The following ARRB1 variants were observed in gnomAD, a reference collection of about 807,000 sequenced individuals.
ARRB1 encodes arrestin beta 1, also known as beta-arrestin-1.
Under a neutral mutation model 56.8 loss-of-function variants are expected in ARRB1, and 21 were observed. That is an observed-to-expected ratio of 0.37 (90% CI 0.26 to 0.53). The LOEUF (loss-of-function observed/expected upper bound fraction) is 0.53, where lower values mean the gene tolerates loss of function less well. Among genes scored for constraint, ARRB1 ranks in the 20% least tolerant of loss-of-function variants. The probability of loss-of-function intolerance (pLI) is 0.88; values close to 1 mark genes in which losing one functional copy is unlikely to be tolerated. For missense variants in ARRB1, 424 were observed against 553.7 expected (o/e 0.77, Z 2.35); for synonymous variants, 210 against 218.6 (o/e 0.96, Z 0.35).
At chr11:75,285,229 T>C (rs1190051635) in intron 3 of ARRB1, among the ~76,000 whole-genome samples, 1 of 152,224 alleles carries the variant, frequency 6.6e-6, no homozygotes, top group Non-Finnish European at 1.5e-5. Flanking sequence ...TGTGTGAATG[T>C]GCATATGTGT....
In ARRB1 at chr11:75,290,171, C is replaced by T. The variant is rs369560607; in HGVS notation, c.21-132G>A. ...ACAGGCACCATGCAGGCTTGAGATC[C>T]GAACAGTGCCCATGTAATCCGCTCT... On this transcript the variant is annotated intron_variant, in intron 1 of 15. Transcript: ENST00000420843. 215 of 1,026,154 alleles carry T rather than the reference C, an allele frequency of 2.1e-4. 1 individual carries two copies. The South Asian group carries it at 2.4e-3, about 11-fold the overall frequency. 63.6% of individuals were successfully genotyped at this position (1,026,154 alleles called of 1,614,324 possible).
At chr11:75,279,700 C>T (rs1232214264) in intron 7 of ARRB1, among the ~76,000 whole-genome samples, 3 of 152,182 alleles carry the variant, frequency 2.0e-5, no homozygotes, top group Admixed American at 2.0e-4. Flanking sequence ...TGGAGTCTCA[C>T]TCTGTTGCCC....
intron 15 of ARRB1, 49 bp downstream of exon 15, chr11:75,267,603 G>GCC: frequency 4.1e-6 from 3 of 736,872 alleles, no homozygotes; most frequent in Non-Finnish European, 6.9e-6. Flanking sequence ...CCTCCACCCC[G>GCC]CCCACCCGCG....
intron 1 of ARRB1, among the ~76,000 whole-genome samples, chr11:75,313,090 C>T (rs1414575450): frequency 1.3e-5 from 2 of 152,096 alleles, no homozygotes; most frequent in Non-Finnish European, 2.9e-5. Flanking sequence ...TGGTGGCTCA[C>T]ACCTGTAATC....
intron 1 of ARRB1, among the ~76,000 whole-genome samples, chr11:75,308,821 A>C (rs969526346): frequency 6.6e-6 from 1 of 151,906 alleles, no homozygotes; most frequent in African/African-American, 2.4e-5. Context: ...GCTGGTCTTG[A>C]TCTCCTGGGC....
intron 7 of ARRB1, among the ~76,000 whole-genome samples, chr11:75,279,646 C>CT (rs1395127051): frequency 6.6e-6 from 1 of 152,142 alleles, no homozygotes; most frequent in Admixed American, 6.5e-5. Flanking sequence ...GGACCTACCT[C>CT]TTTTTCTCCT....
At chr11:75,316,416 G>A (rs113077014) in intron 1 of ARRB1, among the ~76,000 whole-genome samples, 14 of 152,272 alleles carry the variant, frequency 9.2e-5, no homozygotes, top group African/African-American at 3.4e-4. Flanking sequence ...ACAATTAAAG[G>A]AAGGGGCCAG....
Position 75,343,132 on chromosome 11 carries a change from G to A in ARRB1, c.20+8456C>T, listed in dbSNP as rs17133939. ...GGACAAGCAGATCCAGGGTGCTCTT[G>A]AAAAGTTCTTGACCTCACAAGATGA... On this transcript the variant is annotated intron_variant, in intron 1 of 15. Transcript: ENST00000420843. Among the ~76,000 whole-genome samples the A allele has an allele frequency of 6.5e-3, 986 of 152,288 alleles. 10 individuals are homozygous for A. Among genetic ancestry groups the A allele is most frequent in the African/African-American group, 0.022 (933 of 41,556 alleles).
chr11:75,275,901 T>G (rs971204929), intron 10 of ARRB1, among the ~76,000 whole-genome samples: 5 of 152,216 alleles, frequency 3.3e-5, no homozygotes, highest in Admixed American at 2.6e-4. Flanking sequence ...TTTTCTACTC[T>G]TTAGGGATTA....
chr11:75,309,907 T>C (rs1947119866), intron 1 of ARRB1, among the ~76,000 whole-genome samples: 1 of 152,106 alleles, frequency 6.6e-6, no homozygotes, highest in Non-Finnish European at 1.5e-5. Context: ...AGACATACAC[T>C]GGGACTTGGT....
intron 1 of ARRB1, among the ~76,000 whole-genome samples, chr11:75,301,667 C>A (rs1946908167): frequency 6.6e-6 from 1 of 152,186 alleles, no homozygotes; most frequent in Non-Finnish European, 1.5e-5. Context: ...GACCCACTTT[C>A]CTCAGTGTGA....
At chr11:75,298,720 A>T (rs1946821249) in intron 1 of ARRB1, among the ~76,000 whole-genome samples, 1 of 152,190 alleles carries the variant, frequency 6.6e-6, no homozygotes, top group African/African-American at 2.4e-5. Flanking sequence ...TCCACACAAA[A>T]AACTTATGCA....
rs937857005 is a variant in ARRB1, at chr11:75,282,032, G to A, written c.355-11C>T. 1.9e-6 allele frequency: 3 copies of A among 1,614,032 alleles called. No individual in the cohort carries two copies. The highest frequency in any genetic ancestry group is 2.5e-6 in the Non-Finnish European group (3 of 1,179,932). Reference sequence around the variant, plus strand: ...AAGGTTTGGAGGGATCTGTCAAGAAGAGGACAGAACGAGCCACCTGTCACA... The same window carrying A: ...AAGGTTTGGAGGGATCTGTCAAGAAAAGGACAGAACGAGCCACCTGTCACA... On this transcript the variant is annotated splice_polypyrimidine_tract_variant and intron_variant, in intron 5 of 15. Transcript: ENST00000420843.
At chr11:75,301,098 C>T (rs573371635) in intron 1 of ARRB1, among the ~76,000 whole-genome samples, 21 of 150,842 alleles carry the variant, frequency 1.4e-4, no homozygotes, top group African/African-American at 5.1e-4. Context: ...GAGCCAATAT[C>T]ATGCCACTGC....
intron 1 of ARRB1, among the ~76,000 whole-genome samples, chr11:75,337,781 A>C (rs548030499): frequency 2.1e-5 from 3 of 142,738 alleles, no homozygotes; most frequent in African/African-American, 7.7e-5. Context: ...ATTTCATTGA[A>C]ATGTCTTTTT....
At chr11:75,315,436 T>C (rs780356102) in intron 1 of ARRB1, among the ~76,000 whole-genome samples, 1 of 152,078 alleles carries the variant, frequency 6.6e-6, no homozygotes, top group Non-Finnish European at 1.5e-5. Flanking sequence ...CCACAGAAAC[T>C]GCGTGGGTAA....
At chr11:75,330,154 C>A (rs551953405) in intron 1 of ARRB1, among the ~76,000 whole-genome samples, 1 of 152,336 alleles carries the variant, frequency 6.6e-6, no homozygotes, top group South Asian at 2.1e-4. Context: ...TTTACCTACA[C>A]AGCTGCCACG....
In ARRB1 at chr11:75,266,061, G is replaced by T; in HGVS notation, c.*102C>A. The T allele has an allele frequency of 9.3e-7, 1 of 1,075,996 alleles. No individual in the cohort carries two copies. Among genetic ancestry groups the T allele is most frequent in the East Asian group, 2.4e-5 (1 of 40,966 alleles). The allele number at this position is 1,075,996 out of a possible 1,614,324, so 66.7% of individuals were successfully genotyped here. A position where few individuals can be genotyped will look rare whatever the true frequency, so the allele number is the denominator to read the frequency against. On this transcript the variant is annotated 3_prime_UTR_variant, in exon 16 of 16. Coordinates refer to ENST00000420843, the MANE Select transcript of ARRB1 (RefSeq NM_004041.5). ...CCCACGGGGCCCCCTGGTAGAAACT[G>T]GAAGAACAAAGGGGAAAAGAAACCA...
At chr11:75,273,721 A>G (rs1946127641) in intron 11 of ARRB1, among the ~76,000 whole-genome samples, 1 of 151,982 alleles carries the variant, frequency 6.6e-6, no homozygotes, top group African/African-American at 2.4e-5. Context: ...AACCCAGCTC[A>G]CCACCCTGGT....
Sources: gnomAD v4.1 joint callset for allele counts (sites outside exome capture counted in the v4.1 genomes callset) on GRCh38, gnomAD v4.1.1 for gene constraint, MANE v1.5 for transcripts, NCBI Gene and HGNC (gene_info 2026-07-23, HGNC 2026-07-21) for gene names.